The following TMEM100 variants were observed in gnomAD, a reference collection of about 807,000 sequenced individuals.
The protein encoded by TMEM100 is transmembrane protein 100.
For synonymous variants in TMEM100, 61 were observed against 67.1 expected, an observed-to-expected ratio of 0.91 and a Z score of 0.44; for missense variants, 137 against 168.2, an observed-to-expected ratio of 0.81 and a Z score of 1.02.
intron 1 of TMEM100, among the ~76,000 whole-genome samples, chr17:55,729,908 C>A (rs776172616): frequency 1.3e-5 from 2 of 152,050 alleles, no homozygotes; most frequent in Non-Finnish European, 2.9e-5. Context: ...AATATTTTCT[C>A]CAGTGGTTAC....
chr17:55,724,865 T>C (rs1377391042), upstream of TMEM100, among the ~76,000 whole-genome samples: 1 of 152,146 alleles, frequency 6.6e-6, no homozygotes, highest in African/African-American at 2.4e-5. Flanking sequence ...CACAAATCTG[T>C]CATCACTTCC....
chr17:55,731,593 G>C (rs1909206320), intron 1 of TMEM100: 1 of 152,118 alleles, frequency 6.6e-6, no homozygotes, highest in South Asian at 2.1e-4. Context: ...TACTACACAA[G>C]CTACCAGAAC....
intron 1 of TMEM100, among the ~76,000 whole-genome samples, chr17:55,728,509 C>T (rs560203910): frequency 2.0e-5 from 3 of 152,254 alleles, no homozygotes; most frequent in South Asian, 2.1e-4. Flanking sequence ...CTGCGGAATC[C>T]GTGGAAGATG....
upstream of TMEM100, among the ~76,000 whole-genome samples, chr17:55,726,965 G>T (rs1567923406): frequency 6.6e-6 from 1 of 152,078 alleles, no homozygotes; most frequent in African/African-American, 2.4e-5. Flanking sequence ...TTACTAATTG[G>T]TGGTCAATTT....
intron 1 of TMEM100, 178 bp from the exon 2 acceptor site, chr17:55,721,313 G>T (rs1004250445): frequency 2.2e-6 from 1 of 454,826 alleles, no homozygotes; most frequent in Admixed American, 3.9e-5. Context: ...ATAAGATGAA[G>T]CAGATGCATA....
At chr17:55,729,680 C>T (rs892423807) in intron 1 of TMEM100, among the ~76,000 whole-genome samples, 1 of 152,068 alleles carries the variant, frequency 6.6e-6, no homozygotes, top group Non-Finnish European at 1.5e-5. Context: ...ACAATATATA[C>T]ACACCAGCTG....
upstream of TMEM100, among the ~76,000 whole-genome samples, chr17:55,727,127 T>C (rs778313522): frequency 1.3e-5 from 2 of 152,182 alleles, no homozygotes; most frequent in African/African-American, 4.8e-5. Flanking sequence ...GCTGAGTAAA[T>C]AATCTCTCAC....
intron 1 of TMEM100, among the ~76,000 whole-genome samples, chr17:55,722,367 A>G (rs1908921107): frequency 6.6e-6 from 1 of 152,178 alleles, no homozygotes; most frequent in Admixed American, 6.5e-5. Context: ...ATCAAACCTC[A>G]CTGGTTCTTC....
At position 55,720,839 on chromosome 17, in the gene TMEM100, A is replaced by G; in HGVS notation, c.232T>C (p.Phe78Leu). ...GAGATAATAGACCCATGGGAATTGA[A>G]GCTGTAAGCCACCGCGGTGACCACG... Reference protein sequence around the residue: ...GIVVTAVAYSFNSHGSIISIF... With the variant: ...GIVVTAVAYSLNSHGSIISIF... The change falls in exon 2 of 2, where the codon TTC becomes CTC. Residue 78 changes from phenylalanine (F) to leucine (L), a missense_variant. By Grantham distance (22) the Phe-to-Leu change is conservative. Transcript: ENST00000424486. 6.2e-7 allele frequency: 1 copy of G among 1,614,216 alleles called. No homozygotes were observed. The highest frequency in any genetic ancestry group is 1.1e-5 in the South Asian group (1 of 91,082).
intron 1 of TMEM100, chr17:55,722,411 G>A (rs1453837886): frequency 6.6e-6 from 1 of 152,164 alleles, no homozygotes; most frequent in Non-Finnish European, 1.5e-5. Flanking sequence ...CACTCCCTGA[G>A]CAATGAAACT....
upstream of TMEM100, among the ~76,000 whole-genome samples, chr17:55,723,354 C>T (rs1908970271): frequency 6.6e-6 from 1 of 152,162 alleles, no homozygotes; most frequent in Non-Finnish European, 1.5e-5. Flanking sequence ...AAGCTTAAAA[C>T]CCCACTTGTT....
In TMEM100 at chr17:55,720,635, G is replaced by A. The variant is rs1908840154; in HGVS notation, c.*31C>T. On this transcript the variant is annotated 3_prime_UTR_variant, in exon 2 of 2. Coordinates refer to ENST00000424486, the MANE Select transcript of TMEM100 (RefSeq NM_018286.3). ...TGACAAAGTCAGAGCACGTTTTCCA[G>A]GCCCAATGGCCCATTTGGTCGTATT... The A allele has an allele frequency of 1.9e-6, 3 of 1,555,524 alleles. No individual in the cohort carries two copies. The highest frequency in any genetic ancestry group is 1.9e-5 in the Admixed American group (1 of 51,460).
Position 55,720,731 on chromosome 17 carries a change from T to C in TMEM100, c.340A>G (p.Lys114Glu), listed in dbSNP as rs1181751180. 6.2e-7 allele frequency: 1 copy of C among 1,614,184 alleles called. No individual in the cohort carries two copies. Among genetic ancestry groups the C allele is most frequent in the Non-Finnish European group, 8.5e-7 (1 of 1,180,028 alleles). ...TGACTCTCCCGTCTCTTGGCTTTCT[T>C]GCTCCTTTGTCTCACTTTCCAGCAC... The part of the protein sequence containing the change: ...ALCWKVRQRS[K>E]KAKRRESQTA... Residue 114 changes from lysine (K) to glutamate (E), a missense_variant, in exon 2 of 2, where the codon AAG becomes GAG. By Grantham distance (56) the Lys-to-Glu change is moderately conservative (BLOSUM62 1). Transcript: ENST00000424486.
upstream of TMEM100, among the ~76,000 whole-genome samples, chr17:55,725,696 T>G: frequency 7.7e-6 from 1 of 129,568 alleles, no homozygotes. Context: ...ATGTAACCCA[T>G]ATATATGTGT....
chr17:55,726,561 C>G (rs1348912811), upstream of TMEM100, among the ~76,000 whole-genome samples: 1 of 152,154 alleles, frequency 6.6e-6, no homozygotes, highest in Non-Finnish European at 1.5e-5. Context: ...GTCTTTATTT[C>G]CAATTTGCTT....
upstream of TMEM100, among the ~76,000 whole-genome samples, chr17:55,724,042 T>G (rs912218594): frequency 6.6e-6 from 1 of 152,198 alleles, no homozygotes; most frequent in African/African-American, 2.4e-5. Flanking sequence ...CATCCTCCAT[T>G]TTTTCATCTG....
chr17:55,728,131 A>C (rs1403150121), intron 1 of TMEM100: 4 of 152,226 alleles, frequency 2.6e-5, no homozygotes, highest in Admixed American at 1.3e-4. Flanking sequence ...CATTAACACA[A>C]GCATCTAACA....
At chr17:55,726,217 G>T (rs1909069536), upstream of TMEM100, among the ~76,000 whole-genome samples, 1 of 152,138 alleles carries the variant, frequency 6.6e-6, no homozygotes, top group Non-Finnish European at 1.5e-5. Flanking sequence ...AAACGGCAGA[G>T]CTGGGAACAT....
rs1470888600 is a variant in TMEM100 at position 55,720,930 on chromosome 17, C to T, written c.141G>A (p.Gly47=). Residue 47 remains glycine, a synonymous_variant, in exon 2 of 2, where the codon GGG becomes GGA. Coordinates refer to ENST00000424486, the MANE Select transcript of TMEM100 (RefSeq NM_018286.3). ...AGCGGTAGCAGGAGAGCTCGGTACC[C>T]CCTGTAGCAGCCATCAACTGAATCT... ...VSEIQLMAAT[G]GTELSCYRCI... The T allele has an allele frequency of 6.2e-7, 1 of 1,614,178 alleles. No homozygotes were observed. The highest frequency in any genetic ancestry group is 1.7e-5 in the Admixed American group (1 of 60,026).
Sources: allele counts gnomAD v4.1 joint callset (sites outside exome capture counted in the v4.1 genomes callset), GRCh38; gene constraint gnomAD v4.1.1; transcripts MANE v1.5; gene names NCBI Gene and HGNC (gene_info 2026-07-23, HGNC 2026-07-21).